Variants in DPP6 observed in about 807,000 individuals in gnomAD.
DPP6 encodes the protein dipeptidyl peptidase like 6.
In DPP6, 69 loss-of-function variants were observed where a neutral mutation model predicts 122.6. The observed-to-expected ratio is 0.56, with a 90% CI of 0.46 to 0.69. DPP6 has a LOEUF of 0.69. DPP6 is among the 30% of genes least tolerant of loss of function. The pLI is 0.00. For missense variants in DPP6, 928 were observed against 1,116.9 expected (o/e 0.83, Z 2.41); for synonymous variants, 418 against 433.1 (o/e 0.97, Z 0.43).
the DPP6 span, among the ~76,000 whole-genome samples, chr7:153,814,862 T>G: frequency 6.6e-6 from 1 of 151,588 alleles, no homozygotes; most frequent in Admixed American, 6.6e-5. Flanking sequence ...AGAAACCACA[T>G]GATTATCTCA....
At chr7:154,750,132 G>A (rs1283318456) in intron 8 of DPP6, among the ~76,000 whole-genome samples, 1 of 152,168 alleles carries the variant, frequency 6.6e-6, no homozygotes, top group Non-Finnish European at 1.5e-5. Context: ...GTGTGTGTCC[G>A]TGATGCTGGG....
rs551530795 is a variant in DPP6 at position 154,060,938 on chromosome 7, A to G, written c.243+7875A>G. ...CCAGACCCTCTTCCCCCACTGGCAT[A>G]GGACCCCCATCGTTGATGTTAAGAT... On this transcript the variant is annotated intron_variant, in intron 1 of 25. Coordinates refer to ENST00000377770, the MANE Select transcript of DPP6 (RefSeq NM_130797.4). 1.6e-4 allele frequency among the ~76,000 whole-genome samples: 24 copies of G among 147,608 alleles called. No individual in the cohort carries two copies. In the East Asian group the frequency reaches 4.7e-3, roughly 29 times the overall value.
intron 1 of DPP6, among the ~76,000 whole-genome samples, chr7:153,896,188 A>G (rs1799405885): frequency 6.6e-6 from 1 of 152,182 alleles, no homozygotes. Flanking sequence ...AATAATTCTC[A>G]TTTTATGGTA....
chr7:154,379,047 C>T (rs925821257), intron 1 of DPP6, among the ~76,000 whole-genome samples: 2 of 152,134 alleles, frequency 1.3e-5, no homozygotes, highest in African/African-American at 2.4e-5. Flanking sequence ...AACGATTCAC[C>T]TCTCAAAGGC....
chr7:153,947,918 T>C (rs1432357117), intron 1 of DPP6, among the ~76,000 whole-genome samples: 2 of 152,180 alleles, frequency 1.3e-5, no homozygotes, highest in Non-Finnish European at 2.9e-5. Context: ...GCTTATAATA[T>C]TCAGTATGCC....
chr7:153,803,870 C>CATA, the DPP6 span, among the ~76,000 whole-genome samples: 1 of 150,682 alleles, frequency 6.6e-6, no homozygotes, highest in African/African-American at 2.5e-5. Context: ...TATATACACA[C>CATA]AAGGATATAT....
rs1414521937 is a variant in DPP6 at position 154,637,999 on chromosome 7, G to T, written c.680+126G>T. 7 of 1,064,122 alleles carry T rather than the reference G, an allele frequency of 6.6e-6. No individual in the cohort carries two copies. In the East Asian group the frequency reaches 1.9e-4, roughly 29 times the overall value. 65.9% of individuals were successfully genotyped at this position (1,064,122 alleles called of 1,614,324 possible). A position where few individuals can be genotyped will look rare whatever the true frequency, so the allele number is the denominator to read the frequency against. On this transcript the variant is annotated intron_variant, in intron 6 of 25. Coordinates refer to ENST00000377770, the MANE Select transcript of DPP6 (RefSeq NM_130797.4). ...TCCAGTTCTCACAGCCAAGGGTGCT[G>T]GTATCGTGGCACCTCTGGGACTCTC...
chr7:154,611,500 C>T (rs1833905934), intron 5 of DPP6, among the ~76,000 whole-genome samples: 1 of 151,996 alleles, frequency 6.6e-6, no homozygotes, highest in South Asian at 2.1e-4. Context: ...TTTTTTCTTG[C>T]TTCCTCATCT....
At chr7:154,279,297 C>A (rs1291913462) in intron 1 of DPP6, among the ~76,000 whole-genome samples, 4 of 152,072 alleles carry the variant, frequency 2.6e-5, no homozygotes, top group African/African-American at 9.7e-5. Context: ...AAGAACAAAT[C>A]ATTTGGAAAC....
At chr7:154,149,564 C>T (rs1324830260) in intron 1 of DPP6, among the ~76,000 whole-genome samples, 8 of 151,498 alleles carry the variant, frequency 5.3e-5, no homozygotes, top group Admixed American at 2.0e-4. Flanking sequence ...GGCTCCCCAC[C>T]GAGAGCATTT....
At chr7:154,334,467 C>T (rs1809222667) in intron 1 of DPP6, among the ~76,000 whole-genome samples, 1 of 152,224 alleles carries the variant, frequency 6.6e-6, no homozygotes, top group African/African-American at 2.4e-5. Flanking sequence ...CTCACTTCTG[C>T]CATCAATGGC....
chr7:153,783,508 CAG>C, the DPP6 span, among the ~76,000 whole-genome samples: 1 of 152,210 alleles, frequency 6.6e-6, no homozygotes, highest in Admixed American at 6.5e-5. Flanking sequence ...TGGGTGGGGA[CAG>C]AGCCAAAGCA....
intron 16 of DPP6, among the ~76,000 whole-genome samples, chr7:154,822,461 G>A (rs928985459): frequency 2.0e-5 from 3 of 152,056 alleles, no homozygotes; most frequent in Non-Finnish European, 4.4e-5. Flanking sequence ...CATACCCTAA[G>A]GCCCGACCCC....
the DPP6 span, among the ~76,000 whole-genome samples, chr7:153,843,278 G>GCACACACA: frequency 6.8e-6 from 1 of 147,576 alleles, no homozygotes; most frequent in Non-Finnish European, 1.5e-5. Context: ...GCATGCGCGC[G>GCACACACA]CGCACACACA....
At chr7:154,675,744 A>G (rs1206718814) in intron 7 of DPP6, among the ~76,000 whole-genome samples, 1 of 151,940 alleles carries the variant, frequency 6.6e-6, no homozygotes, top group Non-Finnish European at 1.5e-5. Context: ...GCTCTCCCCA[A>G]CCGCGAATGC....
intron 1 of DPP6, among the ~76,000 whole-genome samples, chr7:153,975,547 T>TA (rs1459810439): frequency 4.6e-4 from 67 of 144,726 alleles, no homozygotes; most frequent in East Asian, 1.8e-3. Flanking sequence ...GTATATTTTC[T>TA]AAAAAAAAAA....
chr7:154,199,695 C>T (rs1322455044), intron 1 of DPP6, among the ~76,000 whole-genome samples: 4 of 151,766 alleles, frequency 2.6e-5, no homozygotes, highest in Non-Finnish European at 4.4e-5. Context: ...CTGCAAGGTC[C>T]GCCTCCTGGG....
chr7:154,335,434 A>G (rs932094329), intron 1 of DPP6, among the ~76,000 whole-genome samples: 1 of 152,258 alleles, frequency 6.6e-6, no homozygotes, highest in African/African-American at 2.4e-5. Flanking sequence ...ATAAATGACC[A>G]TTAATATGAT....
At chr7:154,800,934 A>G (rs1267627003) in intron 12 of DPP6, among the ~76,000 whole-genome samples, 2 of 152,222 alleles carry the variant, frequency 1.3e-5, no homozygotes, top group Non-Finnish European at 2.9e-5. Flanking sequence ...TTTTTCTGAT[A>G]TATAATAAAT....
Sources: gnomAD v4.1 joint callset for allele counts (sites outside exome capture counted in the v4.1 genomes callset) on GRCh38, gnomAD v4.1.1 for gene constraint, MANE v1.5 for transcripts, NCBI Gene and HGNC (gene_info 2026-07-23, HGNC 2026-07-21) for gene names.